The following PLEKHG1 variants were observed in gnomAD, a reference collection of about 807,000 sequenced individuals.
The protein encoded by PLEKHG1 is pleckstrin homology and RhoGEF domain containing G1, also known as pleckstrin homology domain-containing family G member 1.
In PLEKHG1, 44 loss-of-function variants were observed where a neutral mutation model predicts 100.8. The ratio of observed to expected loss-of-function variants is 0.44; its 90% CI spans 0.34 to 0.56. The LOEUF (loss-of-function observed/expected upper bound fraction) is 0.56, where lower values mean the gene tolerates loss of function less well. Ranked by LOEUF, PLEKHG1 falls within the 20% of genes least tolerant of loss-of-function variation. PLEKHG1 has a pLI of 0.01. For synonymous variants in PLEKHG1, 640 were observed against 662.5 expected (o/e 0.97, Z 0.52); for missense variants, 1,545 against 1,720.9 (o/e 0.90, Z 1.81).
Position 150,670,472 on chromosome 6 carries a change from C to T in PLEKHG1, c.-99+19686C>T, listed in dbSNP as rs142484937. On this transcript the variant is annotated intron_variant, in intron 3 of 3. Coordinates refer to the PLEKHG1 transcript ENST00000367326. Reference sequence around the variant, plus strand: ...AAGCCCTGAGCAGGGCAGCCACCTACGCTACACAGCCGCAGCATGCGCTAC... The same window carrying T: ...AAGCCCTGAGCAGGGCAGCCACCTATGCTACACAGCCGCAGCATGCGCTAC... Among the ~76,000 whole-genome samples, 1,275 of 152,228 alleles carry T rather than the reference C, an allele frequency of 8.4e-3. 11 individuals carry two copies. The highest frequency in any genetic ancestry group is 0.014 in the East Asian group (70 of 5,172).
chr6:150,753,975 C>T (rs532115103), intron 2 of PLEKHG1, among the ~76,000 whole-genome samples: 8 of 152,338 alleles, frequency 5.3e-5, no homozygotes, highest in South Asian at 4.1e-4. Flanking sequence ...AGTCTACACT[C>T]ATTAGGTGCT....
At chr6:150,745,039 A>G (rs950076431) in intron 2 of PLEKHG1, among the ~76,000 whole-genome samples, 2 of 152,240 alleles carry the variant, frequency 1.3e-5, no homozygotes, top group African/African-American at 4.8e-5. Flanking sequence ...TAATGCAGCC[A>G]TGTGTCACTT....
intron 3 of PLEKHG1, among the ~76,000 whole-genome samples, chr6:150,681,066 C>T (rs1025102193): frequency 6.6e-6 from 1 of 152,144 alleles, no homozygotes; most frequent in East Asian, 1.9e-4. Context: ...TAGCAGAAAC[C>T]ATACATGCAT....
intron 3 of PLEKHG1, among the ~76,000 whole-genome samples, chr6:150,696,457 C>A (rs1275891949): frequency 6.6e-6 from 1 of 152,184 alleles, no homozygotes; most frequent in African/African-American, 2.4e-5. Flanking sequence ...GCATTAAACA[C>A]TGTGAATATC....
intron 2 of PLEKHG1, among the ~76,000 whole-genome samples, chr6:150,766,126 A>G (rs76685945): frequency 0.011 from 1,708 of 152,310 alleles, 28 homozygotes; most frequent in African/African-American, 0.039. Context: ...ATCACAGAAC[A>G]TCATTCAAAT....
intron 1 of PLEKHG1, among the ~76,000 whole-genome samples, chr6:150,622,453 C>G (rs1186327056): frequency 6.6e-6 from 1 of 152,120 alleles, no homozygotes; most frequent in Non-Finnish European, 1.5e-5. Flanking sequence ...CATGGGTACT[C>G]TTTTGGTGCC....
intron 10 of PLEKHG1, among the ~76,000 whole-genome samples, chr6:150,810,516 AAGAAAGAAAGAAAGAAAG>A (rs1562540194): frequency 1.3e-5 from 1 of 78,986 alleles, no homozygotes; most frequent in Non-Finnish European, 3.1e-5. Context: ...AAGAAAGAAA[AAGAAAGAAAGAAAGAAAG>A]AAAGGAAGAA....
chr6:150,639,059 A>T (rs1349781029), intron 2 of PLEKHG1, among the ~76,000 whole-genome samples: 1 of 152,230 alleles, frequency 6.6e-6, no homozygotes, highest in African/African-American at 2.4e-5. Context: ...GGAAGGCTTT[A>T]ACTTATATTG....
chr6:150,726,942 A>G (rs1583011747), intron 1 of PLEKHG1, among the ~76,000 whole-genome samples: 1 of 152,224 alleles, frequency 6.6e-6, no homozygotes, highest in African/African-American at 2.4e-5. Flanking sequence ...TTTTTAAAGC[A>G]TTAAGTCAGT....
At chr6:150,766,273 G>A (rs1000740004) in intron 2 of PLEKHG1, among the ~76,000 whole-genome samples, 1 of 152,094 alleles carries the variant, frequency 6.6e-6, no homozygotes, top group Non-Finnish European at 1.5e-5. Context: ...TAACAGCAGG[G>A]TAACCATAGG....
chr6:150,677,878 AAAAT>A (rs942296578), intron 3 of PLEKHG1, among the ~76,000 whole-genome samples: 22 of 151,998 alleles, frequency 1.4e-4, no homozygotes, highest in Middle Eastern at 3.4e-3. Context: ...CCCTGTCTCC[AAAAT>A]AAATAAACAA....
At position 150,603,042 on chromosome 6, in the gene PLEKHG1, A is replaced by G. The variant is rs558879355; in HGVS notation, c.-204+3025A>G. Among the ~76,000 whole-genome samples the G allele has an allele frequency of 1.2e-4, 16 of 138,166 alleles. 1 individual carries two copies. The highest frequency in any genetic ancestry group is 2.0e-4 in the Non-Finnish European group (13 of 65,450). 90.6% of individuals were successfully genotyped at this position (138,166 alleles called of 152,430 possible). ...GCCTGCAGTGAGCCGAGATCGCGCC[A>G]CTGCACTCCAACCTGGGCGACAGCG... On this transcript the variant is annotated intron_variant, in intron 1 of 3. Transcript: ENST00000367326.
intron 2 of PLEKHG1, among the ~76,000 whole-genome samples, chr6:150,764,579 C>T (rs1424827478): frequency 6.6e-6 from 1 of 152,220 alleles, no homozygotes; most frequent in East Asian, 1.9e-4. Context: ...TGTGTTTAGG[C>T]GCACGCCCTG....
intron 6 of PLEKHG1, among the ~76,000 whole-genome samples, chr6:150,802,831 T>C (rs1786793445): frequency 6.6e-6 from 1 of 152,038 alleles, no homozygotes; most frequent in Admixed American, 6.6e-5. Flanking sequence ...TGGCTAATTT[T>C]TTGTATTTTT....
upstream of PLEKHG1, among the ~76,000 whole-genome samples, chr6:150,719,726 A>G (rs1781591680): frequency 6.6e-6 from 1 of 152,200 alleles, no homozygotes; most frequent in Non-Finnish European, 1.5e-5. Context: ...GGGAAGCCAC[A>G]GGGGTTGCTG....
In PLEKHG1 at chr6:150,670,199, G is replaced by T. The variant is rs370217733; in HGVS notation, c.-99+19413G>T. On this transcript the variant is annotated intron_variant, in intron 3 of 3. Coordinates refer to the PLEKHG1 transcript ENST00000367326. ...GTTTTCAAAGTAAATAAACAATGAG[G>T]AATCAATTTTCAAAAATCAGTAACA... 5.9e-5 allele frequency among the ~76,000 whole-genome samples: 9 copies of T among 152,124 alleles called. No homozygotes were observed. In the South Asian group the frequency reaches 1.9e-3, roughly 32 times the overall value.
chr6:150,624,893 A>G (rs901186842), intron 1 of PLEKHG1: 3 of 152,184 alleles, frequency 2.0e-5, no homozygotes, highest in African/African-American at 7.2e-5. Context: ...AATTTGGTTA[A>G]TTAAAGATTT....
chr6:150,685,275 T>C (rs1780078997), intron 3 of PLEKHG1, among the ~76,000 whole-genome samples: 1 of 152,088 alleles, frequency 6.6e-6, no homozygotes, highest in Admixed American at 6.6e-5. Context: ...GCCTGTTTTA[T>C]TGACTCTGGG....
At chr6:150,823,015 A>G (rs1318362371) in intron 13 of PLEKHG1, among the ~76,000 whole-genome samples, 1 of 152,162 alleles carries the variant, frequency 6.6e-6, no homozygotes, top group Non-Finnish European at 1.5e-5. Flanking sequence ...CAAAACAGTT[A>G]TGGTGGGATG....
Sources: gnomAD v4.1 joint callset for allele counts (sites outside exome capture counted in the v4.1 genomes callset) on GRCh38, gnomAD v4.1.1 for gene constraint, MANE v1.5 for transcripts, NCBI Gene and HGNC (gene_info 2026-07-23, HGNC 2026-07-21) for gene names.